Variants in ARB2A observed in about 807,000 individuals in gnomAD.
ARB2A encodes the protein ARB2 cotranscriptional regulator A, also known as cotranscriptional regulator ARB2A.
chr5:93,787,901 G>C, the ARB2A span, among the ~76,000 whole-genome samples: 2 of 152,036 alleles, frequency 1.3e-5, no homozygotes, highest in African/African-American at 4.8e-5. Context: ...TAATGTCTAG[G>C]GTAAGAGGGA....
the ARB2A span, among the ~76,000 whole-genome samples, chr5:93,644,679 C>G: frequency 1.3e-5 from 2 of 152,040 alleles, no homozygotes; most frequent in African/African-American, 4.8e-5. Context: ...TCTTTAATTT[C>G]ATTTTTTAGA....
the ARB2A span, among the ~76,000 whole-genome samples, chr5:93,663,064 C>A: frequency 6.6e-6 from 1 of 152,128 alleles, no homozygotes; most frequent in Non-Finnish European, 1.5e-5. Flanking sequence ...GGACCCCACC[C>A]TCATGACTCA....
At chr5:93,663,759 G>C in the ARB2A span, among the ~76,000 whole-genome samples, 1 of 152,098 alleles carries the variant, frequency 6.6e-6, no homozygotes, top group South Asian at 2.1e-4. Context: ...TTTCCATATA[G>C]TTAATTACAA....
chr5:93,722,762 A>G, the ARB2A span, among the ~76,000 whole-genome samples: 1 of 152,116 alleles, frequency 6.6e-6, no homozygotes, highest in South Asian at 2.1e-4. Flanking sequence ...CTTATCCTTT[A>G]ACTGCATTAG....
At chr5:93,865,757 C>T in the ARB2A span, 3 of 985,162 alleles carry the variant, frequency 3.0e-6, no homozygotes, top group South Asian at 9.4e-5. Flanking sequence ...AATAAAGGAA[C>T]AAAACTGACT....
chr5:93,941,174 G>T, the ARB2A span, among the ~76,000 whole-genome samples: 3 of 152,174 alleles, frequency 2.0e-5, no homozygotes, highest in East Asian at 5.8e-4. Context: ...AGTGTCCAAA[G>T]CATTGATTAT....
At chr5:94,098,976 T>C in the ARB2A span, among the ~76,000 whole-genome samples, 1 of 151,108 alleles carries the variant, frequency 6.6e-6, no homozygotes, top group Non-Finnish European at 1.5e-5. Context: ...CAAAACTGAA[T>C]CACTAATAAA....
the ARB2A span, among the ~76,000 whole-genome samples, chr5:93,971,207 C>A: frequency 4.6e-5 from 7 of 151,974 alleles, no homozygotes; most frequent in East Asian, 1.9e-4. Context: ...ACCCTGTTAG[C>A]CAGGATGGTC....
At chr5:94,032,360 G>A in the ARB2A span, among the ~76,000 whole-genome samples, 4 of 152,154 alleles carry the variant, frequency 2.6e-5, no homozygotes, top group Non-Finnish European at 5.9e-5. Flanking sequence ...CACATGGCAA[G>A]AGCCAGAGCC....
chr5:93,849,621 T>A, the ARB2A span, among the ~76,000 whole-genome samples: 1 of 152,156 alleles, frequency 6.6e-6, no homozygotes, highest in East Asian at 1.9e-4. Flanking sequence ...AATCCCCTTC[T>A]AATTGAGGAA....
chr5:93,875,097 T>C, the ARB2A span, among the ~76,000 whole-genome samples: 11 of 152,182 alleles, frequency 7.2e-5, no homozygotes, highest in African/African-American at 1.2e-4. Context: ...GCTGGGACTA[T>C]AGCCATATGC....
At chr5:93,853,255 G>A in the ARB2A span, among the ~76,000 whole-genome samples, 3 of 152,090 alleles carry the variant, frequency 2.0e-5, no homozygotes, top group Non-Finnish European at 2.9e-5. Context: ...TTGGCTCTCT[G>A]TTTGTCTGTT....
chr5:94,017,522 G>A, the ARB2A span, among the ~76,000 whole-genome samples: 1 of 152,184 alleles, frequency 6.6e-6, no homozygotes, highest in Non-Finnish European at 1.5e-5. Flanking sequence ...TATGGTATCT[G>A]ATGGGGAATG....
the ARB2A span, chr5:93,804,788 C>T: frequency 1.9e-6 from 1 of 522,978 alleles, no homozygotes; most frequent in Non-Finnish European, 2.5e-6. Flanking sequence ...ATGCTTTTGC[C>T]TAAAACAAAG....
chr5:93,970,192 G>A, the ARB2A span, among the ~76,000 whole-genome samples: 1 of 151,990 alleles, frequency 6.6e-6, no homozygotes, highest in Admixed American at 6.5e-5. Context: ...AGGAGAGTAA[G>A]AACATCAGCC....
the ARB2A span, chr5:93,881,388 G>A: frequency 3.9e-6 from 4 of 1,036,130 alleles, no homozygotes; most frequent in Non-Finnish European, 5.5e-6. Flanking sequence ...TAATATTCTT[G>A]AAGAAAAACA....
chr5:93,952,783 CTTT>C, the ARB2A span, among the ~76,000 whole-genome samples: 1 of 152,112 alleles, frequency 6.6e-6, no homozygotes, highest in Non-Finnish European at 1.5e-5. Context: ...TCTACCACTT[CTTT>C]ATGGTCAATA....
At chr5:94,005,281 G>A in the ARB2A span, among the ~76,000 whole-genome samples, 1 of 152,048 alleles carries the variant, frequency 6.6e-6, no homozygotes, top group Admixed American at 6.6e-5. Flanking sequence ...TCAGCTTACT[G>A]CAACCTTTGC....
chr5:93,643,394 T>C, the ARB2A span, among the ~76,000 whole-genome samples: 1 of 152,180 alleles, frequency 6.6e-6, no homozygotes, highest in Non-Finnish European at 1.5e-5. Flanking sequence ...ATTACAGAAG[T>C]CCCAAATTTG....
Sources: allele counts gnomAD v4.1 joint callset (sites outside exome capture counted in the v4.1 genomes callset), GRCh38; gene constraint gnomAD v4.1.1; transcripts MANE v1.5; gene names NCBI Gene and HGNC (gene_info 2026-07-23, HGNC 2026-07-21).